The following KIAA1549 variants were observed in gnomAD, a reference collection of about 807,000 sequenced individuals.
KIAA1549 encodes the protein KIAA1549, also known as UPF0606 protein KIAA1549.
A neutral mutation model predicts 156.4 loss-of-function variants in KIAA1549; 70 were observed. That is an observed-to-expected ratio of 0.45 (90% CI 0.37 to 0.55). The LOEUF (loss-of-function observed/expected upper bound fraction) is 0.55, where lower values mean the gene tolerates loss of function less well. Ranked by LOEUF, KIAA1549 falls within the 20% of genes least tolerant of loss-of-function variation. The pLI is 0.00. For missense variants in KIAA1549, 2,428 were observed against 2,540.9 expected (o/e 0.96, Z 0.96); for synonymous variants, 1,103 against 1,066.4 (o/e 1.03, Z -0.67).
At chr7:138,840,483 A>T (rs1228692163) in intron 18 of KIAA1549, among the ~76,000 whole-genome samples, 1 of 151,968 alleles carries the variant, frequency 6.6e-6, no homozygotes, top group Non-Finnish European at 1.5e-5. Context: ...TAGGTAAGGA[A>T]ATGCACCACG....
chr7:138,835,866 C>G lies in KIAA1549; in HGVS notation c.*2040G>C. ...ATCGCCTGATAAGATGCTGCTGGTC[C>G]TTTGTTGAACGTCCTTGAGAGACTT... On this transcript the variant is annotated 3_prime_UTR_variant, in exon 20 of 20. Transcript: ENST00000422774. The G allele has an allele frequency of 4.5e-6, 1 of 220,618 alleles. No individual in the cohort carries two copies. Among genetic ancestry groups the G allele is most frequent in the Middle Eastern group, 1.4e-3 (1 of 706 alleles). The allele number at this position is 220,618 out of a possible 1,614,324, so 13.7% of individuals were successfully genotyped here.
At chr7:138,887,268 AAATT>A (rs940331299) in intron 10 of KIAA1549, among the ~76,000 whole-genome samples, 45 of 152,276 alleles carry the variant, frequency 3.0e-4, no homozygotes, top group Admixed American at 2.0e-3. Context: ...TAAATTATTT[AAATT>A]AATTATTAAA....
intron 1 of KIAA1549, among the ~76,000 whole-genome samples, chr7:138,933,741 G>A (rs547275764): frequency 5.3e-5 from 8 of 152,298 alleles, no homozygotes; most frequent in African/African-American, 1.7e-4. Flanking sequence ...CGGGGCAGGC[G>A]GATCACCTGA....
At chr7:138,909,955 A>G (rs1253906715) in intron 4 of KIAA1549, among the ~76,000 whole-genome samples, 1 of 152,196 alleles carries the variant, frequency 6.6e-6, no homozygotes, top group African/African-American at 2.4e-5. Flanking sequence ...TCCAAAAAAA[A>G]GAAAAGAAAA....
chr7:138,875,516 G>T (rs1247274357), intron 12 of KIAA1549, among the ~76,000 whole-genome samples: 1 of 151,890 alleles, frequency 6.6e-6, no homozygotes, highest in Non-Finnish European at 1.5e-5. Context: ...GGCGTGGTAT[G>T]CTCCTGTAGT....
At chr7:138,924,193 TTC>T (rs1812646040) in intron 1 of KIAA1549, among the ~76,000 whole-genome samples, 2 of 148,018 alleles carry the variant, frequency 1.4e-5, no homozygotes, top group South Asian at 2.1e-4. Context: ...TTTTTTTTTT[TTC>T]TTTTTTTTTT....
At chr7:138,873,902 A>C (rs1455785350) in intron 12 of KIAA1549, among the ~76,000 whole-genome samples, 2 of 150,812 alleles carry the variant, frequency 1.3e-5, no homozygotes, top group Non-Finnish European at 2.9e-5. Flanking sequence ...GGCTGAAAAG[A>C]GGGGCTTTAA....
chr7:138,882,364 A>C (rs6974263), intron 10 of KIAA1549, among the ~76,000 whole-genome samples: 67,057 of 152,184 alleles, frequency 0.44, 15,757 homozygotes, highest in African/African-American at 0.6. Context: ...TCACGTGAAG[A>C]GTGAAAGTGA....
chr7:138,876,811 G>A (rs1180850133), intron 12 of KIAA1549, among the ~76,000 whole-genome samples: 5 of 152,214 alleles, frequency 3.3e-5, no homozygotes, highest in Non-Finnish European at 5.9e-5. Context: ...GGAACACAGT[G>A]ACATCTGAGT....
chr7:138,905,548 TC>T (rs1358091197), intron 6 of KIAA1549, among the ~76,000 whole-genome samples: 1 of 152,352 alleles, frequency 6.6e-6, no homozygotes, highest in East Asian at 1.9e-4. Context: ...AACAGCTTTA[TC>T]TCTGTCTACT....
intron 10 of KIAA1549, among the ~76,000 whole-genome samples, chr7:138,892,803 T>C (rs995877204): frequency 6.6e-6 from 1 of 152,202 alleles, no homozygotes; most frequent in African/African-American, 2.4e-5. Flanking sequence ...ATGCAGAATT[T>C]TTCATACCCA....
rs375872081 is a variant in KIAA1549 at position 138,881,400 on chromosome 7, C to T, written c.4217G>A (p.Arg1406His). The T allele has an allele frequency of 2.1e-5, 34 of 1,613,246 alleles. No individual in the cohort carries two copies. In the East Asian group the frequency reaches 4.0e-4, roughly 19 times the overall value. ...PKSKIPSKNV[R>H]HRGRVSPSDA... ...GCCCAATAATAACCTTCCTCTGTGA[C>T]GAACATTCTTGGAAGGGATCTTTGA... The change falls in exon 11 of 20, where the codon CGT (arginine) becomes CAT (histidine). Residue 1406 changes from arginine (R) to histidine (H), a missense_variant. By Grantham distance (29) the Arg-to-His change is conservative. This residue lies in a region of KIAA1549 where 404 missense variants were observed against 417.0 expected (regional missense o/e 0.97). Transcript: ENST00000422774.
intron 1 of KIAA1549, among the ~76,000 whole-genome samples, chr7:138,930,953 C>A (rs990029178): frequency 8.5e-5 from 13 of 152,198 alleles, no homozygotes; most frequent in African/African-American, 3.1e-4. Flanking sequence ...GAGAGACATG[C>A]AACTCTTCCT....
At chr7:138,964,046 T>C (rs1350023742) in intron 1 of KIAA1549, among the ~76,000 whole-genome samples, 2 of 152,192 alleles carry the variant, frequency 1.3e-5, no homozygotes, top group East Asian at 3.9e-4. Context: ...TTTGCCGAAA[T>C]AAAGTAAAAT....
intron 16 of KIAA1549, among the ~76,000 whole-genome samples, chr7:138,857,068 A>G (rs1463089125): frequency 6.6e-6 from 1 of 152,198 alleles, no homozygotes; most frequent in Non-Finnish European, 1.5e-5. Flanking sequence ...ACTGGAAACC[A>G]TCGCTCAGGC....
intron 18 of KIAA1549, among the ~76,000 whole-genome samples, chr7:138,842,155 G>A (rs550452061): frequency 2.6e-4 from 39 of 152,316 alleles, no homozygotes; most frequent in African/African-American, 9.4e-4. Context: ...AACTGCACAG[G>A]GAGAAAAGCA....
At chr7:138,960,411 C>T (rs112430565) in intron 1 of KIAA1549, among the ~76,000 whole-genome samples, 14,307 of 151,400 alleles carry the variant, frequency 0.094, 794 homozygotes, top group South Asian at 0.19. Flanking sequence ...CCGGTTCAAG[C>T]GATTCTCCTG....
chr7:138,833,208 C>G lies in KIAA1549; in HGVS notation c.*4698G>C, dbSNP rs1809591451. ...TAGCGTGGGAGTTAAGACCGGAGTCCTCCTTCCCCTGTGCCCAAAACGTTA... is the reference window on the plus strand; with the variant it reads ...TAGCGTGGGAGTTAAGACCGGAGTCGTCCTTCCCCTGTGCCCAAAACGTTA... On this transcript the variant is annotated 3_prime_UTR_variant, in exon 20 of 20. Transcript: ENST00000422774. The G allele has an allele frequency of 4.3e-6, 1 of 232,602 alleles. No individual in the cohort carries two copies. Among genetic ancestry groups the G allele is most frequent in the African/African-American group, 2.2e-5 (1 of 45,316 alleles). The allele number at this position is 232,602 out of a possible 1,614,324, so 14.4% of individuals were successfully genotyped here. A position where few individuals can be genotyped will look rare whatever the true frequency, so the allele number is the denominator to read the frequency against.
At chr7:138,977,162 T>C (rs1814403996) in intron 1 of KIAA1549, among the ~76,000 whole-genome samples, 1 of 152,132 alleles carries the variant, frequency 6.6e-6, no homozygotes, top group Admixed American at 6.5e-5. Context: ...CTTCTACATT[T>C]CAAAATTATG....
Sources: gnomAD v4.1 joint callset for allele counts (sites outside exome capture counted in the v4.1 genomes callset) on GRCh38, gnomAD v4.1.1 for gene constraint, gnomAD v4.1.1 regional missense constraint, MANE v1.5 for transcripts, NCBI Gene and HGNC (gene_info 2026-07-23, HGNC 2026-07-21) for gene names.